The following PPA2 variants were observed in gnomAD, a reference collection of about 807,000 sequenced individuals.
The protein encoded by PPA2 is inorganic pyrophosphatase 2, mitochondrial.
In PPA2, 48 loss-of-function variants were observed where a neutral mutation model predicts 49.5. That is an observed-to-expected ratio of 0.97 (90% CI 0.77 to 1.23). The LOEUF (loss-of-function observed/expected upper bound fraction) is 1.23. Among genes scored for constraint, PPA2 ranks in the 50% most tolerant of loss-of-function variants. The probability of loss-of-function intolerance (pLI) is 0.00; values close to 1 mark genes in which losing one functional copy is unlikely to be tolerated. For missense variants in PPA2, 429 were observed against 410.1 expected (o/e 1.05, Z -0.40); for synonymous variants, 131 against 139.9 (o/e 0.94, Z 0.45).
chr4:105,369,710 T>C lies in PPA2; in HGVS notation c.*15A>G. Reference sequence around the variant, plus strand: ...AGAGATGGGAATCTTGACAGCAGAATTTCAGATGTTTCAATCACTTGCCAA... The same window carrying C: ...AGAGATGGGAATCTTGACAGCAGAACTTCAGATGTTTCAATCACTTGCCAA... On this transcript the variant is annotated 3_prime_UTR_variant, in exon 12 of 12. Coordinates refer to ENST00000341695, the MANE Select transcript of PPA2 (RefSeq NM_176869.3). 6.3e-7 allele frequency: 1 copy of C among 1,575,426 alleles called. No individual in the cohort carries two copies. Among genetic ancestry groups the C allele is most frequent in the Non-Finnish European group, 8.7e-7 (1 of 1,145,544 alleles).
chr4:105,425,753 C>T (rs1218080249), intron 6 of PPA2, among the ~76,000 whole-genome samples: 2 of 151,570 alleles, frequency 1.3e-5, no homozygotes, highest in African/African-American at 4.9e-5. Context: ...CACACACACA[C>T]ACACACACAC....
intron 7 of PPA2, among the ~76,000 whole-genome samples, chr4:105,409,645 G>A (rs570648998): frequency 3.9e-5 from 6 of 152,314 alleles, no homozygotes; most frequent in Non-Finnish European, 7.4e-5. Context: ...AGTAGGGGCC[G>A]ACAGACACCT....
At chr4:105,471,299 C>G (rs532359725) in intron 1 of PPA2, among the ~76,000 whole-genome samples, 1 of 152,224 alleles carries the variant, frequency 6.6e-6, no homozygotes, top group African/African-American at 2.4e-5. Context: ...CCTGATGATT[C>G]CCATCAGGAT....
intron 1 of PPA2, among the ~76,000 whole-genome samples, chr4:105,469,578 CTTTGT>C (rs1723441214): frequency 6.6e-6 from 1 of 152,138 alleles, no homozygotes; most frequent in Non-Finnish European, 1.5e-5. Context: ...CTAAAGCTAA[CTTTGT>C]TTTATTTTCT....
intron 9 of PPA2, among the ~76,000 whole-genome samples, chr4:105,395,713 A>G (rs1734112093): frequency 6.6e-6 from 1 of 152,138 alleles, no homozygotes; most frequent in Admixed American, 6.5e-5. Flanking sequence ...GAGCTTAAGG[A>G]TTACAGAATC....
chr4:105,393,537 A>G (rs1268100549), intron 9 of PPA2, among the ~76,000 whole-genome samples: 1 of 128,268 alleles, frequency 7.8e-6, no homozygotes, highest in Non-Finnish European at 1.7e-5. Context: ...TAATAATAAT[A>G]ATATGGTTCT....
chr4:105,430,644 TAATATGATA>T (rs968304850), intron 6 of PPA2, among the ~76,000 whole-genome samples: 2 of 152,196 alleles, frequency 1.3e-5, no homozygotes. Flanking sequence ...GTAGGTTCTC[TAATATGATA>T]AAAGGACAAG....
chr4:105,416,131 C>T (rs550105974), intron 7 of PPA2, among the ~76,000 whole-genome samples: 1 of 152,326 alleles, frequency 6.6e-6, no homozygotes, highest in East Asian at 1.9e-4. Flanking sequence ...CTTTATCAAA[C>T]TATATAAATT....
At chr4:105,390,213 A>G (rs952701098) in intron 9 of PPA2, among the ~76,000 whole-genome samples, 2 of 152,258 alleles carry the variant, frequency 1.3e-5, no homozygotes, top group African/African-American at 4.8e-5. Flanking sequence ...CAAACCCTAG[A>G]AGAAAACCTA....
At chr4:105,410,822 T>A (rs571357155) in intron 7 of PPA2, among the ~76,000 whole-genome samples, 1 of 152,308 alleles carries the variant, frequency 6.6e-6, no homozygotes, top group Non-Finnish European at 1.5e-5. Flanking sequence ...CTAAGCTTCA[T>A]AAGTGAAGGA....
intron 10 of PPA2, among the ~76,000 whole-genome samples, chr4:105,385,727 T>C (rs1368793189): frequency 6.6e-6 from 1 of 152,132 alleles, no homozygotes; most frequent in Non-Finnish European, 1.5e-5. Flanking sequence ...TATGCAGCAT[T>C]ATCACTAAGA....
intron 5 of PPA2, among the ~76,000 whole-genome samples, chr4:105,440,491 G>A (rs1724302479): frequency 1.3e-5 from 2 of 152,006 alleles, no homozygotes; most frequent in Admixed American, 1.3e-4. Context: ...TCAATCTCCT[G>A]ACCTCGTGAT....
At chr4:105,405,114 C>T (rs1722400811) in intron 7 of PPA2, 1 of 533,618 alleles carries the variant, frequency 1.9e-6, no homozygotes, top group Admixed American at 6.4e-5. Context: ...TAAATAAATA[C>T]ACAAACATGA....
In PPA2 at chr4:105,442,391, G is replaced by A. The variant is rs146952187; in HGVS notation, c.441+3992C>T. Among the ~76,000 whole-genome samples, 87 of 152,234 alleles carry A rather than the reference G, an allele frequency of 5.7e-4. 1 individual carries two copies. Among genetic ancestry groups the A allele is most frequent in the African/African-American group, 2.0e-3 (83 of 41,532 alleles). On this transcript the variant is annotated intron_variant, in intron 5 of 11. Coordinates refer to ENST00000341695, the MANE Select transcript of PPA2 (RefSeq NM_176869.3). Reference sequence around the variant, plus strand: ...AGAGAGATTTAGTCACTTGTCTCAGGTTATAAAGCTAATAAGTAGGACTAT... The same window carrying A: ...AGAGAGATTTAGTCACTTGTCTCAGATTATAAAGCTAATAAGTAGGACTAT...
At chr4:105,405,740 G>A (rs1560615430) in intron 7 of PPA2, 1 of 733,196 alleles carries the variant, frequency 1.4e-6, no homozygotes, top group Admixed American at 2.7e-5. Context: ...CTTATAAACA[G>A]ATTAACATCA....
intron 1 of PPA2, among the ~76,000 whole-genome samples, chr4:105,467,357 T>C (rs1285370451): frequency 1.3e-5 from 2 of 152,146 alleles, no homozygotes; most frequent in Admixed American, 6.5e-5. Context: ...AGAACATACA[T>C]GGCATGTCTG....
rs1211209251 is a variant in PPA2 at position 105,454,359 on chromosome 4, G to A, written c.223-717C>T. On this transcript the variant is annotated intron_variant, in intron 2 of 11. Transcript: ENST00000341695. ...GTTGTTGTTTTTGAGACAGAGTCTCGCTCTGTCGCCCAGGCTGGTGGAGTG... is the reference window on the plus strand; with the variant it reads ...GTTGTTGTTTTTGAGACAGAGTCTCACTCTGTCGCCCAGGCTGGTGGAGTG... 2.0e-5 allele frequency among the ~76,000 whole-genome samples: 3 copies of A among 151,572 alleles called. No individual in the cohort carries two copies. The East Asian group carries it at 5.8e-4, about 29-fold the overall frequency.
intron 2 of PPA2, chr4:105,455,991 T>C (rs1186728018): frequency 3.8e-6 from 1 of 263,938 alleles, no homozygotes; most frequent in East Asian, 8.6e-5. Flanking sequence ...TCATGAATAC[T>C]ACCAAATATG....
At chr4:105,440,068 TC>T (rs1481007750) in intron 5 of PPA2, among the ~76,000 whole-genome samples, 2 of 151,992 alleles carry the variant, frequency 1.3e-5, no homozygotes, top group Non-Finnish European at 2.9e-5. Context: ...GAGAGGTTCC[TC>T]CTTGCTAATG....
Sources: gnomAD v4.1 joint callset for allele counts (sites outside exome capture counted in the v4.1 genomes callset) on GRCh38, gnomAD v4.1.1 for gene constraint, MANE v1.5 for transcripts, NCBI Gene and HGNC (gene_info 2026-07-23, HGNC 2026-07-21) for gene names.